RSU1: variants seen among roughly 807,000 people sequenced by gnomAD.
RSU1 encodes the protein rsu-1.
In RSU1, 26 loss-of-function variants were observed where a neutral mutation model predicts 31.1. The ratio of observed to expected loss-of-function variants is 0.84; its 90% CI spans 0.61 to 1.16. The LOEUF (loss-of-function observed/expected upper bound fraction) is 1.16, where lower values mean the gene tolerates loss of function less well. RSU1 is among the 50% of genes most tolerant of loss of function. The pLI, the probability that RSU1 is intolerant of heterozygous loss-of-function variation, is 0.00. For missense variants in RSU1, 320 were observed against 339.1 expected (o/e 0.94, Z 0.44); for synonymous variants, 164 against 136.3 (o/e 1.20, Z -1.41).
Position 16,616,366 on chromosome 10 carries a change from C to T in RSU1, c.732-22870G>A, listed in dbSNP as rs1412817173. ...AATTGAGGCAGTAATTAATAGCCTA[C>T]CAACCAAAAAAAAAAAAAAAAAAAA... On this transcript the variant is annotated intron_variant, in intron 8 of 8. Coordinates refer to ENST00000345264, the MANE Select transcript of RSU1 (RefSeq NM_012425.4). 3.4e-4 allele frequency among the ~76,000 whole-genome samples: 38 copies of T among 113,232 alleles called. No homozygotes were observed. In the East Asian group the frequency reaches 7.8e-3, roughly 23 times the overall value. 74.3% of individuals were successfully genotyped at this position (113,232 alleles called of 152,430 possible). A position where few individuals can be genotyped will look rare whatever the true frequency, so the allele number is the denominator to read the frequency against.
intron 7 of RSU1, among the ~76,000 whole-genome samples, chr10:16,697,569 CAGG>C (rs1480399783): frequency 1.3e-5 from 2 of 151,652 alleles, no homozygotes; most frequent in Non-Finnish European, 2.9e-5. Context: ...GAGGCTGAGG[CAGG>C]AGAACTGCAT....
chr10:16,782,913 ATT>A lies in RSU1; in HGVS notation c.110-831_110-830del, dbSNP rs397956304. Among the ~76,000 whole-genome samples the A allele has an allele frequency of 3.4e-3, 331 of 96,814 alleles. 5 individuals carry two copies. Among genetic ancestry groups the A allele is most frequent in the African/African-American group, 0.01 (283 of 27,636 alleles). 63.5% of individuals were successfully genotyped at this position (96,814 alleles called of 152,430 possible). On this transcript the variant is annotated intron_variant, in intron 2 of 8. Transcript: ENST00000345264. ...GTGTGTGTATGTGTAAATTTTTCCT[ATT>A]TTTTTTTTTTTTTGAGACAGGGTCT...
At chr10:16,783,073 G>A (rs1157706397) in intron 2 of RSU1, among the ~76,000 whole-genome samples, 1 of 151,908 alleles carries the variant, frequency 6.6e-6, no homozygotes, top group African/African-American at 2.4e-5. Flanking sequence ...ACCATGCCCG[G>A]CTAATTTTGT....
At chr10:16,670,269 G>A (rs1047253447) in intron 8 of RSU1, among the ~76,000 whole-genome samples, 1 of 152,176 alleles carries the variant, frequency 6.6e-6, no homozygotes, top group South Asian at 2.1e-4. Flanking sequence ...GATAGATTTC[G>A]ACAGTGTTCA....
chr10:16,658,159 A>G (rs1834825170), intron 8 of RSU1, among the ~76,000 whole-genome samples: 2 of 152,148 alleles, frequency 1.3e-5, no homozygotes, highest in Non-Finnish European at 1.5e-5. Flanking sequence ...TCCAATCACT[A>G]CATATTTTGT....
chr10:16,786,963 T>C (rs7088350), intron 2 of RSU1, among the ~76,000 whole-genome samples: 65,235 of 151,884 alleles, frequency 0.43, 17,099 homozygotes, highest in African/African-American at 0.75. Context: ...CAGAGCCAGC[T>C]TGCTTGAACA....
intron 3 of RSU1, 125 bp downstream of exon 3, chr10:16,781,904 CAAAGT>C (rs1837659266): frequency 5.3e-6 from 4 of 750,102 alleles, no homozygotes; most frequent in Non-Finnish European, 8.9e-6. Flanking sequence ...TTAGTGTCAC[CAAAGT>C]AAACTAAGGT....
intron 7 of RSU1, among the ~76,000 whole-genome samples, chr10:16,747,090 C>T (rs1836871759): frequency 6.6e-6 from 1 of 152,186 alleles, no homozygotes; most frequent in Non-Finnish European, 1.5e-5. Context: ...GGGGAGCCAT[C>T]TGTGGTGTCA....
At chr10:16,726,637 A>T (rs61587204) in intron 7 of RSU1, among the ~76,000 whole-genome samples, 1 of 152,056 alleles carries the variant, frequency 6.6e-6, no homozygotes, top group Admixed American at 6.5e-5. Flanking sequence ...TTTGACTGAA[A>T]TGTTTTTAGC....
chr10:16,756,936 G>A (rs1217429301), intron 4 of RSU1, among the ~76,000 whole-genome samples: 3 of 150,178 alleles, frequency 2.0e-5, no homozygotes, highest in Admixed American at 6.6e-5. Context: ...GGGCTGTGTG[G>A]GGGCGGGTAT....
intron 2 of RSU1, among the ~76,000 whole-genome samples, chr10:16,792,895 C>A (rs1477326580): frequency 2.0e-5 from 3 of 152,212 alleles, no homozygotes; most frequent in African/African-American, 7.2e-5. Context: ...CAGCACCGGG[C>A]AGCAATGCTG....
intron 4 of RSU1, among the ~76,000 whole-genome samples, chr10:16,756,903 G>A (rs900234388): frequency 6.8e-6 from 1 of 147,758 alleles, no homozygotes; most frequent in African/African-American, 2.5e-5. Context: ...GAGGGGTGGG[G>A]TGTGGTGTGT....
At position 16,710,155 on chromosome 10, in the gene RSU1, C is replaced by G. The variant is rs1328030585; in HGVS notation, c.599-15000G>C. ...TGATGTCAGCTGTGGGTTTTTCATA[C>G]ATGACATTTACTGTGTTAAGGTACA... On this transcript the variant is annotated intron_variant, in intron 7 of 8. Coordinates refer to ENST00000345264, the MANE Select transcript of RSU1 (RefSeq NM_012425.4). Among the ~76,000 whole-genome samples, 3 of 152,152 alleles carry G rather than the reference C, an allele frequency of 2.0e-5. No homozygotes were observed. The East Asian group carries it at 5.8e-4, about 29-fold the overall frequency.
intron 3 of RSU1, among the ~76,000 whole-genome samples, chr10:16,774,099 T>TAA (rs55846639): frequency 8.3e-5 from 12 of 144,476 alleles, no homozygotes; most frequent in Non-Finnish European, 6.1e-5. Context: ...GGTATTCCGT[T>TAA]AAAAAAAAAA....
At chr10:16,601,693 T>C (rs1041019534) in intron 8 of RSU1, among the ~76,000 whole-genome samples, 1 of 152,154 alleles carries the variant, frequency 6.6e-6, no homozygotes, top group Non-Finnish European at 1.5e-5. Flanking sequence ...GCACCTGGCA[T>C]GGAGCAGCCA....
intron 7 of RSU1, among the ~76,000 whole-genome samples, chr10:16,714,391 C>T (rs569513759): frequency 1.3e-5 from 2 of 152,290 alleles, no homozygotes; most frequent in East Asian, 3.9e-4. Context: ...TGCTACTGGA[C>T]CAGCTGTCAG....
chr10:16,715,153 G>A (rs534330835), intron 7 of RSU1, among the ~76,000 whole-genome samples: 8 of 152,312 alleles, frequency 5.3e-5, no homozygotes, highest in East Asian at 3.9e-4. Flanking sequence ...ATACTTCCTC[G>A]TCACTCTAGT....
intron 3 of RSU1, 118 bp from the exon 4 acceptor site, chr10:16,764,628 C>T (rs578234127): frequency 4.9e-4 from 497 of 1,023,850 alleles, no homozygotes; most frequent in Non-Finnish European, 6.5e-4. Context: ...AAAGGGCCAT[C>T]GAATTCACCT....
intron 8 of RSU1, among the ~76,000 whole-genome samples, chr10:16,637,401 C>T (rs1183012757): frequency 6.6e-6 from 1 of 152,088 alleles, no homozygotes; most frequent in African/African-American, 2.4e-5. Context: ...GCTCCCCCAT[C>T]CTGACTCCCT....
Sources: gnomAD v4.1 joint callset for allele counts (sites outside exome capture counted in the v4.1 genomes callset) on GRCh38, gnomAD v4.1.1 for gene constraint, MANE v1.5 for transcripts, NCBI Gene and HGNC (gene_info 2026-07-23, HGNC 2026-07-21) for gene names.